SLC36A1: variants seen among roughly 807,000 people sequenced by gnomAD.
SLC36A1 encodes solute carrier family 36 member 1.
SLC36A1 carries 30 observed loss-of-function variants against 47.5 expected under a neutral mutation model. The observed-to-expected ratio is 0.63, with a 90% CI of 0.47 to 0.86. The LOEUF (loss-of-function observed/expected upper bound fraction) is 0.86, where lower values mean the gene tolerates loss of function less well. SLC36A1 is among the 40% of genes least tolerant of loss of function. SLC36A1 has a pLI of 0.00. For synonymous variants in SLC36A1, 255 were observed against 249.7 expected, an observed-to-expected ratio of 1.02 and a Z score of -0.20; for missense variants, 517 against 606.0, an observed-to-expected ratio of 0.85 and a Z score of 1.54.
At position 151,476,598 on chromosome 5, in the gene SLC36A1, C is replaced by A; in HGVS notation, c.831C>A (p.Pro277=). The part of the protein sequence containing the change: ...FSFEGIGMVL[P]LENKMKDPRK... The stretch of plus-strand genomic sequence containing the variant: ...TCACTACTCTCTCATAGGTTCTGCC[C>A]CTGGAAAACAAAATGAAGGATCCTC... Residue 277 remains proline (P), a synonymous_variant, in exon 9 of 11, where the codon CCC becomes CCA. Transcript: ENST00000243389. 1 of 1,587,098 alleles carries A rather than the reference C, an allele frequency of 6.3e-7. No individual in the cohort carries two copies. Among genetic ancestry groups the A allele is most frequent in the South Asian group, 1.2e-5 (1 of 86,542 alleles).
chr5:151,382,650 TAAAG>T, the SLC36A1 span, among the ~76,000 whole-genome samples: 47 of 152,326 alleles, frequency 3.1e-4, no homozygotes, highest in South Asian at 9.3e-3. Flanking sequence ...GAGCCTGTGT[TAAAG>T]AAATCAATTG....
chr5:151,462,604 C>T (rs996285191), intron 2 of SLC36A1, among the ~76,000 whole-genome samples: 2 of 151,822 alleles, frequency 1.3e-5, no homozygotes, highest in African/African-American at 2.4e-5. Flanking sequence ...ACCTCATGAT[C>T]TGCCCGCCTT....
the SLC36A1 span, among the ~76,000 whole-genome samples, chr5:151,385,552 A>T: frequency 2.0e-5 from 3 of 152,186 alleles, no homozygotes; most frequent in Non-Finnish European, 2.9e-5. Flanking sequence ...TGGTAGTAAT[A>T]GTGGCCAGGA....
At chr5:151,456,392 A>G (rs1371427742) in intron 1 of SLC36A1, among the ~76,000 whole-genome samples, 1 of 152,252 alleles carries the variant, frequency 6.6e-6, no homozygotes, top group African/African-American at 2.4e-5. Flanking sequence ...TTTATGCCCC[A>G]TGCTTTTTGC....
At chr5:151,542,153 G>T in the SLC36A1 span, 1 of 767,746 alleles carries the variant, frequency 1.3e-6, no homozygotes, top group Non-Finnish European at 2.1e-6. Context: ...TGAGGTCCTA[G>T]GGGGTTAAGT....
intron 10 of SLC36A1, chr5:151,480,145 G>A (rs2127533925): frequency 1.4e-6 from 2 of 1,385,326 alleles, no homozygotes; most frequent in Non-Finnish European, 1.9e-6. Context: ...TTTTTTTGTA[G>A]CTTCTGTGAG....
the SLC36A1 span, among the ~76,000 whole-genome samples, chr5:151,372,727 C>G: frequency 6.6e-6 from 1 of 152,112 alleles, no homozygotes; most frequent in South Asian, 2.1e-4. Flanking sequence ...GGATTACAGG[C>G]ATGAGCCACC....
chr5:151,364,693 A>G, the SLC36A1 span, among the ~76,000 whole-genome samples: 1 of 152,166 alleles, frequency 6.6e-6, no homozygotes, highest in Non-Finnish European at 1.5e-5. Context: ...AATGTTGGAA[A>G]CCCAACTGAA....
At chr5:151,509,973 G>T in the SLC36A1 span, 2 of 1,594,924 alleles carry the variant, frequency 1.3e-6, no homozygotes, top group South Asian at 1.1e-5. Context: ...AGTACAGAGC[G>T]CATTCCCTAA....
the SLC36A1 span, among the ~76,000 whole-genome samples, chr5:151,355,335 G>A: frequency 6.6e-6 from 1 of 151,618 alleles, no homozygotes; most frequent in South Asian, 2.1e-4. Context: ...CAGGGGAAAG[G>A]GGAAAGAAAA....
chr5:151,413,640 C>A, the SLC36A1 span, among the ~76,000 whole-genome samples: 1 of 151,952 alleles, frequency 6.6e-6, no homozygotes, highest in East Asian at 1.9e-4. Context: ...TTTATGGAGA[C>A]CTTTTATATT....
the SLC36A1 span, among the ~76,000 whole-genome samples, chr5:151,548,373 T>A: frequency 6.6e-6 from 1 of 152,108 alleles, no homozygotes; most frequent in African/African-American, 2.4e-5. Flanking sequence ...ATTAGTTGGA[T>A]ACTGGATATT....
intron 9 of SLC36A1, among the ~76,000 whole-genome samples, chr5:151,477,822 G>A (rs1055263803): frequency 2.2e-4 from 34 of 152,328 alleles, no homozygotes; most frequent in Middle Eastern, 3.4e-3. Flanking sequence ...TTCCCTGGAA[G>A]ATAAATGGAT....
At chr5:151,466,806 A>G (rs1337165926) in intron 5 of SLC36A1, among the ~76,000 whole-genome samples, 1 of 152,150 alleles carries the variant, frequency 6.6e-6, no homozygotes, top group Admixed American at 6.6e-5. Flanking sequence ...GTCTCACCTC[A>G]TGCAGCATTC....
chr5:151,473,898 G>T, intron 8 of SLC36A1, 127 bp downstream of exon 8: 1 of 759,216 alleles, frequency 1.3e-6, no homozygotes, highest in Admixed American at 2.2e-5. Context: ...GGTGGCTCAC[G>T]CCTGTAATCT....
the SLC36A1 span, among the ~76,000 whole-genome samples, chr5:151,388,501 CAAAAGAAAA>C: frequency 6.6e-5 from 6 of 90,778 alleles, no homozygotes; most frequent in African/African-American, 2.6e-4. Flanking sequence ...AACTCCATCT[CAAAAGAAAA>C]AAAAAAAAAA....
chr5:151,547,310 C>G, the SLC36A1 span, among the ~76,000 whole-genome samples: 1 of 152,180 alleles, frequency 6.6e-6, no homozygotes, highest in African/African-American at 2.4e-5. Context: ...AAAAGACATT[C>G]TAGAACCCAA....
chr5:151,498,254 G>A, the SLC36A1 span, among the ~76,000 whole-genome samples: 1 of 152,050 alleles, frequency 6.6e-6, no homozygotes, highest in Non-Finnish European at 1.5e-5. Context: ...CAGGGGGGTG[G>A]GAATGTCCTT....
chr5:151,522,099 C>T, the SLC36A1 span: 2 of 1,560,060 alleles, frequency 1.3e-6, no homozygotes, highest in Non-Finnish European at 1.7e-6. Flanking sequence ...GTGGGCAAAA[C>T]AAACACTGCT....
Sources: gnomAD v4.1 joint callset for allele counts (sites outside exome capture counted in the v4.1 genomes callset) on GRCh38, gnomAD v4.1.1 for gene constraint, MANE v1.5 for transcripts, NCBI Gene and HGNC (gene_info 2026-07-23, HGNC 2026-07-21) for gene names.